GTPBP3: variants seen among roughly 807,000 people sequenced by gnomAD.
GTPBP3 encodes GTP binding protein 3, mitochondrial, also known as 5-taurinomethyluridine-[tRNA] synthase subunit GTPB3, mitochondrial.
In GTPBP3, 35 loss-of-function variants were observed where a neutral mutation model predicts 42.0. That is an observed-to-expected ratio of 0.83 (90% CI 0.64 to 1.10). GTPBP3 has a LOEUF of 1.10. Among genes scored for constraint, GTPBP3 ranks in the 50% least tolerant of loss-of-function variants. GTPBP3 has a pLI of 0.00. For missense variants in GTPBP3, 691 were observed against 685.2 expected (o/e 1.01, Z -0.09); for synonymous variants, 332 against 314.9 (o/e 1.05, Z -0.58).
At position 17,339,085 on chromosome 19, in the gene GTPBP3, C is replaced by G. The variant is rs763730644; in HGVS notation, c.665-38C>G. 1 of 1,614,154 alleles carries G rather than the reference C, an allele frequency of 6.2e-7. No homozygotes were observed. The highest frequency in any genetic ancestry group is 1.3e-5 in the African/African-American group (1 of 75,062). On this transcript the variant is annotated intron_variant, in intron 5 of 8. Coordinates refer to ENST00000324894, the MANE Select transcript of GTPBP3 (RefSeq NM_032620.4). ...CTCATATCAGCCCTCAAAGGCTCCC[C>G]TCACTGTCTCTCTCTGCCTGCCTTC...
chr19:17,335,673 C>T (rs1400129953), upstream of GTPBP3, among the ~76,000 whole-genome samples: 1 of 152,114 alleles, frequency 6.6e-6, no homozygotes, highest in African/African-American at 2.4e-5. Context: ...TTTAGCTGGG[C>T]GACCTGGGTT....
intron 7 of GTPBP3, among the ~76,000 whole-genome samples, chr19:17,340,072 GC>G (rs959191145): frequency 1.3e-5 from 2 of 151,674 alleles, no homozygotes; most frequent in African/African-American, 4.8e-5. Context: ...CGCTCTTGTT[GC>G]CCAGGCTGGA....
Position 17,337,913 on chromosome 19 carries a change from C to A in GTPBP3, c.54-95C>A, listed in dbSNP as rs555998308. ...GCATCCCCCAGCCGCAGAACCCCCC[C>A]ACCTGGAGCATCTCGCGATCATCGA... is the stretch of plus-strand genomic sequence containing the variant. On this transcript the variant is annotated intron_variant, in intron 1 of 8. Coordinates refer to ENST00000324894, the MANE Select transcript of GTPBP3 (RefSeq NM_032620.4). The A allele has an allele frequency of 5.4e-6, 8 of 1,493,750 alleles. No individual in the cohort carries two copies. In the East Asian group the frequency reaches 1.2e-4, roughly 22 times the overall value. The allele number at this position is 1,493,750 out of a possible 1,614,324, so 92.5% of individuals were successfully genotyped here.
rs148291786 is a variant in GTPBP3 at position 17,341,321 on chromosome 19, G to A, written c.1252G>A (p.Val418Met). 2.9e-4 allele frequency: 457 copies of A among 1,591,538 alleles called. No homozygotes were observed. Among genetic ancestry groups the A allele is most frequent in the Non-Finnish European group, 3.5e-4 (412 of 1,170,710 alleles). Residue 418 changes from valine (V) to methionine (M), a missense_variant and splice_region_variant, in exon 8 of 9, where the codon GTG (valine) becomes ATG (methionine). By Grantham distance (21) the Val-to-Met change is conservative (BLOSUM62 1). Coordinates refer to ENST00000324894, the MANE Select transcript of GTPBP3 (RefSeq NM_032620.4). ...LEALRKELAA[V>M]CGDPSTDPPL... is the part of the protein sequence containing the mutation. ...GGCGCTGAGGAAGGAGCTAGCTGCA[G>A]TGTGAGCCCCCTCCCACTCCCAGCC... is the stretch of plus-strand genomic sequence containing the variant.
upstream of GTPBP3, chr19:17,337,372 C>T (rs1320360842): frequency 7.9e-6 from 6 of 755,200 alleles, no homozygotes; most frequent in Middle Eastern, 4.3e-4. Flanking sequence ...TCTCATGTTG[C>T]CCGGGGAACA....
upstream of GTPBP3, chr19:17,335,043 C>T (rs907306820): frequency 2.0e-6 from 3 of 1,536,006 alleles, no homozygotes; most frequent in Non-Finnish European, 2.6e-6. Flanking sequence ...ATGCTTTCTT[C>T]TGGTCCCCGC....
upstream of GTPBP3, chr19:17,337,219 G>C: frequency 5.4e-6 from 1 of 185,658 alleles, no homozygotes; most frequent in Non-Finnish European, 1.1e-5. Context: ...CCACGCCTAA[G>C]GCTGCGGAGT....
upstream of GTPBP3, among the ~76,000 whole-genome samples, chr19:17,335,846 A>G (rs537549748): frequency 1.2e-5 from 1 of 84,454 alleles, no homozygotes; most frequent in African/African-American, 3.0e-5. Context: ...AGCTTGTTAC[A>G]GATGTAATAA....
rs1309681590 is a variant in GTPBP3 at position 17,339,253 on chromosome 19, A to G, written c.795A>G (p.Leu265=). 1.2e-6 allele frequency: 2 copies of G among 1,606,244 alleles called. No homozygotes were observed. The highest frequency in any genetic ancestry group is 1.1e-5 in the South Asian group (1 of 90,822). The change falls in exon 6 of 9, where the codon CTA becomes CTG. Residue 265 remains leucine, a synonymous_variant. Coordinates refer to ENST00000324894, the MANE Select transcript of GTPBP3 (RefSeq NM_032620.4). ...CCCCCAATGCGGGCAAGAGCAGCCT[A>G]GTGAACCTGCTCAGTGAGTAGGCGG... ...TGPPNAGKSS[L]VNLLSRKPVS...
Position 17,338,183 on chromosome 19 carries a change from G to A in GTPBP3, c.229G>A (p.Ala77Thr), listed in dbSNP as rs374307045. Residue 77 changes from alanine (A) to threonine (T), a missense_variant, in exon 2 of 9, where the codon GCC (alanine) becomes ACC (threonine). Coordinates refer to ENST00000324894, the MANE Select transcript of GTPBP3 (RefSeq NM_032620.4). ...APRDLPLARHASLRLLSDPRS... is the reference protein window; with the variant it reads ...APRDLPLARHTSLRLLSDPRS... ...CCGAGACCTGCCCCTTGCTCGCCAC[G>A]CCAGCCTGCGCCTGCTCAGCGATCC... 11 of 1,588,608 alleles carry A rather than the reference G, an allele frequency of 6.9e-6. No homozygotes were observed. The Admixed American group carries it at 1.2e-4, about 17-fold the overall frequency.
Position 17,338,182 on chromosome 19 carries a change from C to T in GTPBP3, c.228C>T (p.His76=). The change falls in exon 2 of 9, where the codon CAC becomes CAT. Residue 76 remains histidine (H), a synonymous_variant. Transcript: ENST00000324894. ...CCCGAGACCTGCCCCTTGCTCGCCA[C>T]GCCAGCCTGCGCCTGCTCAGCGATC... ...TAPRDLPLAR[H]ASLRLLSDPR... is the part of the protein sequence containing the mutation. The T allele has an allele frequency of 6.3e-7, 1 of 1,588,988 alleles. No homozygotes were observed. Among genetic ancestry groups the T allele is most frequent in the Non-Finnish European group, 8.5e-7 (1 of 1,174,498 alleles).
chr19:17,340,570 G>C (rs995625080), intron 7 of GTPBP3, among the ~76,000 whole-genome samples: 55 of 149,498 alleles, frequency 3.7e-4, no homozygotes, highest in African/African-American at 1.3e-3. Context: ...GGTCCTTCTT[G>C]CTCTGCCCCG....
chr19:17,339,707 C>T (rs376067550), intron 7 of GTPBP3, 108 bp downstream of exon 7: 4 of 1,128,182 alleles, frequency 3.5e-6, no homozygotes, highest in Non-Finnish European at 4.9e-6. Flanking sequence ...CCTGCTAAGC[C>T]CTATCAAGCA....
At chr19:17,337,435 A>G (rs984748308), upstream of GTPBP3, 1 of 1,213,074 alleles carries the variant, frequency 8.2e-7, no homozygotes, top group South Asian at 4.2e-5. Context: ...TCTCCCTTGC[A>G]CCAGCCAATG....
At chr19:17,335,001 C>T (rs748447873), upstream of GTPBP3, 318 of 1,535,802 alleles carry the variant, frequency 2.1e-4, no homozygotes, top group Non-Finnish European at 2.7e-4. Flanking sequence ...CCCGCCCGCA[C>T]TGATGGTGCA....
intron 1 of GTPBP3, 72 bp downstream of exon 1, chr19:17,337,736 AG>A (rs537937678): frequency 1.4e-6 from 2 of 1,388,732 alleles, no homozygotes; most frequent in South Asian, 3.4e-5. Flanking sequence ...CCTGGGTTTT[AG>A]GGGCCCAATT....
Position 17,341,105 on chromosome 19 carries a change from A to C in GTPBP3, c.1036A>C (p.Ser346Arg), listed in dbSNP as rs752233769. The change falls in exon 8 of 9, where the codon AGT becomes CGT. Residue 346 changes from serine to arginine, a missense_variant. Transcript: ENST00000324894. ...LDASDLASPS[S>R]CNFLATVVAS... Reference sequence around the variant, plus strand: ...TGCTTCTGACCTGGCCTCTCCCTCCAGTTGCAACTTCCTGGCCACCGTCGT... The same window carrying C: ...TGCTTCTGACCTGGCCTCTCCCTCCCGTTGCAACTTCCTGGCCACCGTCGT... 1.3e-5 allele frequency: 21 copies of C among 1,613,682 alleles called. No homozygotes were observed. The highest frequency in any genetic ancestry group is 1.7e-5 in the Non-Finnish European group (20 of 1,179,992).
chr19:17,339,405 C>T (rs770089640), intron 6 of GTPBP3, 29 bp from the exon 7 acceptor site: 2 of 1,610,114 alleles, frequency 1.2e-6, no homozygotes, highest in South Asian at 1.1e-5. Flanking sequence ...TTGTCTCCAC[C>T]CTCTCCTCTT....
rs2145708290 is a variant in GTPBP3 at position 17,342,173 on chromosome 19, G to C, written c.*470G>C. The C allele has an allele frequency of 6.6e-6, 1 of 150,740 alleles. No homozygotes were observed. Among genetic ancestry groups the C allele is most frequent in the African/African-American group, 2.4e-5 (1 of 40,846 alleles). The allele number at this position is 150,740 out of a possible 1,614,324, so 9.3% of individuals were successfully genotyped here. ...GGCTGGAGTGCAGTGGTGCGACCTT[G>C]GCTCACTGCAACCTCCATCTCCGGG... On this transcript the variant is annotated 3_prime_UTR_variant, in exon 9 of 9. Coordinates refer to ENST00000324894, the MANE Select transcript of GTPBP3 (RefSeq NM_032620.4).
Sources: gnomAD v4.1 joint callset for allele counts (sites outside exome capture counted in the v4.1 genomes callset) on GRCh38, gnomAD v4.1.1 for gene constraint, MANE v1.5 for transcripts, NCBI Gene and HGNC (gene_info 2026-07-23, HGNC 2026-07-21) for gene names.